Variants in CNTNAP2 observed in about 807,000 individuals in gnomAD.
The protein encoded by CNTNAP2 is contactin-associated protein-like 2.
Under a neutral mutation model 155.2 loss-of-function variants are expected in CNTNAP2, and 98 were observed. That is an observed-to-expected ratio of 0.63 (90% CI 0.54 to 0.75). The LOEUF is 0.75. Among genes scored for constraint, CNTNAP2 ranks in the 30% least tolerant of loss-of-function variants. The pLI, the probability that CNTNAP2 is intolerant of heterozygous loss-of-function variation, is 0.00. For synonymous variants in CNTNAP2, 651 were observed against 631.2 expected (o/e 1.03, Z -0.47); for missense variants, 1,727 against 1,688.1 (o/e 1.02, Z -0.40).
rs377609794 is a variant in CNTNAP2, at chr7:147,376,581, AT to A, written c.1499-19022del. 2.2e-4 allele frequency among the ~76,000 whole-genome samples: 33 copies of A among 151,906 alleles called. 2 individuals are homozygous for A. The highest frequency in any genetic ancestry group is 7.7e-4 in the African/African-American group (32 of 41,470). On this transcript the variant is annotated intron_variant, in intron 9 of 23. Coordinates refer to ENST00000361727, the MANE Select transcript of CNTNAP2 (RefSeq NM_014141.6). ...CTTTTTCCTTGTGTTGTCTTAAAATATTTTTTGACACCTCATTTTTCTCAGT... is the reference window on the plus strand; with the variant it reads ...CTTTTTCCTTGTGTTGTCTTAAAATATTTTTGACACCTCATTTTTCTCAGT...
chr7:147,124,273 A>G (rs1459179930), intron 6 of CNTNAP2, among the ~76,000 whole-genome samples: 1 of 152,224 alleles, frequency 6.6e-6, no homozygotes, highest in Non-Finnish European at 1.5e-5. Context: ...TTATCTTCAC[A>G]AAACCTGAAG....
At chr7:146,466,071 C>T (rs17170096) in intron 1 of CNTNAP2, among the ~76,000 whole-genome samples, 2 of 151,906 alleles carry the variant, frequency 1.3e-5, no homozygotes, top group Non-Finnish European at 2.9e-5. Flanking sequence ...CATAAAAGCT[C>T]GTTGGGTTCT....
At chr7:148,091,115 A>G (rs1003452098) in intron 15 of CNTNAP2, among the ~76,000 whole-genome samples, 1 of 152,156 alleles carries the variant, frequency 6.6e-6, no homozygotes, top group Admixed American at 6.6e-5. Context: ...CAACATTTCA[A>G]TTAGACAAAA....
At chr7:148,344,902 C>T (rs1486316066) in intron 21 of CNTNAP2, among the ~76,000 whole-genome samples, 2 of 152,110 alleles carry the variant, frequency 1.3e-5, no homozygotes, top group Non-Finnish European at 2.9e-5. Context: ...TACACAAATT[C>T]AAAATAAAGG....
chr7:147,492,291 A>G (rs1260354751), intron 11 of CNTNAP2, among the ~76,000 whole-genome samples: 3 of 152,194 alleles, frequency 2.0e-5, no homozygotes, highest in African/African-American at 7.2e-5. Flanking sequence ...CTGATCTGAC[A>G]GAAGACGGAG....
At chr7:148,218,495 G>A (rs375428185) in intron 19 of CNTNAP2, among the ~76,000 whole-genome samples, 1 of 152,038 alleles carries the variant, frequency 6.6e-6, no homozygotes, top group Non-Finnish European at 1.5e-5. Context: ...AGGCTCAAGC[G>A]ATCCTCCCAC....
intron 3 of CNTNAP2, among the ~76,000 whole-genome samples, chr7:146,972,482 A>G (rs1797822689): frequency 6.6e-6 from 1 of 152,194 alleles, no homozygotes. Context: ...ACATAGCACA[A>G]AAGAATTATT....
chr7:147,041,177 C>A lies in CNTNAP2; in HGVS notation c.403-2730C>A, dbSNP rs371959894. 5.3e-5 allele frequency among the ~76,000 whole-genome samples: 8 copies of A among 152,202 alleles called. No individual in the cohort carries two copies. In the South Asian group the frequency reaches 1.0e-3, roughly 20 times the overall value. On this transcript the variant is annotated intron_variant, in intron 3 of 23. Coordinates refer to ENST00000361727, the MANE Select transcript of CNTNAP2 (RefSeq NM_014141.6). ...TTATTTTGTCTCTAATCAGACAGAACCTGTTAAAAGATTTATGATTTTTTT... is the reference window on the plus strand; with the variant it reads ...TTATTTTGTCTCTAATCAGACAGAAACTGTTAAAAGATTTATGATTTTTTT...
intron 13 of CNTNAP2, among the ~76,000 whole-genome samples, chr7:147,822,266 T>G (rs1445293606): frequency 6.6e-6 from 1 of 152,140 alleles, no homozygotes; most frequent in Non-Finnish European, 1.5e-5. Context: ...TTTAGATGAC[T>G]CTTTCAAGTG....
At chr7:146,137,506 A>T in intron 1 of CNTNAP2, among the ~76,000 whole-genome samples, 1 of 152,166 alleles carries the variant, frequency 6.6e-6, no homozygotes, top group East Asian at 1.9e-4. Flanking sequence ...ACTTGAAAGA[A>T]GAAGGTGAGC....
In CNTNAP2 at chr7:147,825,979, G is replaced by A. The variant is rs1198682484; in HGVS notation, c.2099-77586G>A. Among the ~76,000 whole-genome samples, 8 of 152,272 alleles carry A rather than the reference G, an allele frequency of 5.3e-5. No individual in the cohort carries two copies. The South Asian group carries it at 1.7e-3, about 32-fold the overall frequency. ...TTCGGTTCCTTGGTTTTTGTGGAGG[G>A]ATAGTAGGTAGTAAAATTAGGGTGA... On this transcript the variant is annotated intron_variant, in intron 13 of 23. Coordinates refer to ENST00000361727, the MANE Select transcript of CNTNAP2 (RefSeq NM_014141.6).
At chr7:147,380,587 A>C (rs1182093193) in intron 9 of CNTNAP2, among the ~76,000 whole-genome samples, 1 of 152,132 alleles carries the variant, frequency 6.6e-6, no homozygotes, top group Non-Finnish European at 1.5e-5. Context: ...AAAAGGCAGA[A>C]AAATGTTAAG....
At chr7:147,003,531 C>T (rs1263593681) in intron 3 of CNTNAP2, among the ~76,000 whole-genome samples, 1 of 151,028 alleles carries the variant, frequency 6.6e-6, no homozygotes, top group Non-Finnish European at 1.5e-5. Flanking sequence ...GAGGAAATAA[C>T]AACGTAAGAG....
At chr7:147,573,077 A>G (rs1489687171) in intron 12 of CNTNAP2, among the ~76,000 whole-genome samples, 1 of 152,194 alleles carries the variant, frequency 6.6e-6, no homozygotes, top group African/African-American at 2.4e-5. Context: ...TGTTGCCCAA[A>G]CTGGAAAATA....
chr7:147,638,869 C>CTTTTT, intron 12 of CNTNAP2: 1 of 616,378 alleles, frequency 1.6e-6, no homozygotes, highest in Non-Finnish European at 3.0e-6. Context: ...TTTTGCCTTG[C>CTTTTT]TTTCAGGAGG....
intron 13 of CNTNAP2, among the ~76,000 whole-genome samples, chr7:147,679,745 T>C (rs1795919325): frequency 6.6e-6 from 1 of 151,920 alleles, no homozygotes; most frequent in South Asian, 2.1e-4. Flanking sequence ...TTTGGAATTA[T>C]ATTGTTTATT....
chr7:147,121,379 C>T, intron 6 of CNTNAP2: 1 of 495,746 alleles, frequency 2.0e-6, no homozygotes, highest in East Asian at 3.9e-5. Flanking sequence ...ATCTTAGTAC[C>T]AATGTAATAA....
chr7:148,153,423 G>A (rs1320745757), intron 17 of CNTNAP2, among the ~76,000 whole-genome samples: 1 of 152,178 alleles, frequency 6.6e-6, no homozygotes, highest in Non-Finnish European at 1.5e-5. Flanking sequence ...AAGAAAAAAA[G>A]CACTTGCTGG....
intron 21 of CNTNAP2, among the ~76,000 whole-genome samples, chr7:148,336,604 A>T (rs1198091077): frequency 6.6e-6 from 1 of 152,086 alleles, no homozygotes; most frequent in East Asian, 1.9e-4. Flanking sequence ...TAGTCATTTT[A>T]ACAACTGGCG....
Sources: gnomAD v4.1 joint callset for allele counts (sites outside exome capture counted in the v4.1 genomes callset) on GRCh38, gnomAD v4.1.1 for gene constraint, MANE v1.5 for transcripts, NCBI Gene and HGNC (gene_info 2026-07-23, HGNC 2026-07-21) for gene names.